Variants in DHPS observed in about 807,000 individuals in gnomAD.
DHPS encodes migration-inducing gene 13.
DHPS carries 24 observed loss-of-function variants against 38.7 expected under a neutral mutation model. The ratio of observed to expected loss-of-function variants is 0.62; its 90% confidence interval spans 0.45 to 0.87. The LOEUF is 0.87. DHPS is among the 40% of genes least tolerant of loss of function. The pLI is 0.00. For synonymous variants in DHPS, 250 were observed against 204.4 expected, an observed-to-expected ratio of 1.22 and a Z score of -1.90; for missense variants, 510 against 497.6, an observed-to-expected ratio of 1.02 and a Z score of -0.24.
downstream of DHPS, chr19:12,673,407 GATCT>G: frequency 2.6e-5 from 11 of 415,188 alleles, no homozygotes; most frequent in Admixed American, 3.7e-5. Context: ...TGAAGGCTAG[GATCT>G]TTTTTTTTTT....
intron 7 of DHPS, 50 bp downstream of exon 7, chr19:12,677,058 C>T: frequency 1.3e-6 from 2 of 1,554,462 alleles, no homozygotes; most frequent in South Asian, 1.1e-5. Flanking sequence ...TGGCATAGGC[C>T]CACCACACAG....
In DHPS at chr19:12,681,642, T is replaced by C. The variant is rs1436519011; in HGVS notation, c.125A>G (p.Tyr42Cys). The change falls in exon 1 of 9, where the codon TAC becomes TGC. Residue 42 changes from tyrosine (Y) to cysteine (C), a missense_variant. Transcript: ENST00000210060. The stretch of plus-strand genomic sequence containing the variant: ...GCCGAAGGCCTCCAGCAGTGCGCGG[T>C]AATTCACACCGCGGTTGAAGTCGTA... Reference protein sequence around the residue: ...RGYDFNRGVNYRALLEAFGTT... With the variant: ...RGYDFNRGVNCRALLEAFGTT... The C allele has an allele frequency of 6.2e-7, 1 of 1,614,204 alleles. No homozygotes were observed. Among genetic ancestry groups the C allele is most frequent in the South Asian group, 1.1e-5 (1 of 91,088 alleles).
At chr19:12,673,408 ATCTTTT>A, downstream of DHPS, 8 of 266,032 alleles carry the variant, frequency 3.0e-5, no homozygotes, top group East Asian at 1.2e-4. Flanking sequence ...GAAGGCTAGG[ATCTTTT>A]TTTTTTTTTT....
rs764103875 is a variant in DHPS, at chr19:12,679,626, T to C, written c.588A>G (p.Thr196=). 2 of 1,614,166 alleles carry C rather than the reference T, an allele frequency of 1.2e-6. No individual in the cohort carries two copies. The highest frequency in any genetic ancestry group is 2.2e-5 in the South Asian group (2 of 91,092). The change falls in exon 4 of 9, where the codon ACA becomes ACG. Residue 196 remains threonine, a synonymous_variant. Coordinates refer to ENST00000210060, the MANE Select transcript of DHPS (RefSeq NM_001930.4). ...ILDQMVMEQN[T]EGVKWTPSKM... is the part of the protein sequence containing the mutation. ...CTCCAGGTTGCCCCAGCCCCACCTC[T>C]GTGTTCTGCTCCATCACCATCTGGT...
chr19:12,679,665 C>T lies in DHPS; in HGVS notation c.549G>A (p.Leu183=), dbSNP rs2024732793. 2 of 1,614,218 alleles carry T rather than the reference C, an allele frequency of 1.2e-6. No homozygotes were observed. The highest frequency in any genetic ancestry group is 2.2e-5 in the East Asian group (1 of 44,884). The change falls in exon 4 of 9, where the codon CTG becomes CTA. Residue 183 remains leucine (L), a synonymous_variant. Coordinates refer to ENST00000210060, the MANE Select transcript of DHPS (RefSeq NM_001930.4). ...NENYCKFEDW[L]MPILDQMVME... ...TCACCATCTGGTCCAGAATGGGCATCAGCCAGTCCTCAAACTTGCAGTAAT... is the reference window on the plus strand; with the variant it reads ...TCACCATCTGGTCCAGAATGGGCATTAGCCAGTCCTCAAACTTGCAGTAAT...
chr19:12,676,188 G>GAGAC (rs3841583), intron 7 of DHPS, 46 bp from the exon 8 acceptor site: 623,844 of 1,555,790 alleles, frequency 0.4, 131,936 homozygotes, highest in African/African-American at 0.64. Flanking sequence ...CCAGTCACAG[G>GAGAC]AGACAGACAC....
rs1243382050 is a variant in DHPS at position 12,677,405 on chromosome 19, A to G, written c.679-9T>C. The G allele has an allele frequency of 1.2e-6, 2 of 1,611,990 alleles. No homozygotes were observed. The highest frequency in any genetic ancestry group is 1.1e-5 in the South Asian group (1 of 90,800). Reference sequence around the variant, plus strand: ...AACACAGGGATGTGGTTCTGCAGAGAACATGACAGGACAGTGGCTGGAGCT... The same window carrying G: ...AACACAGGGATGTGGTTCTGCAGAGGACATGACAGGACAGTGGCTGGAGCT... On this transcript the variant is annotated splice_polypyrimidine_tract_variant and intron_variant, in intron 5 of 8. Transcript: ENST00000210060.
At chr19:12,680,085 C>T (rs2024749275) in intron 2 of DHPS, 76 bp downstream of exon 2, 1 of 1,587,062 alleles carries the variant, frequency 6.3e-7, no homozygotes, top group African/African-American at 1.3e-5. Context: ...CCTATCTGCC[C>T]ATCTCACTTA....
chr19:12,680,142 G>A lies in DHPS; in HGVS notation c.372+19C>T, dbSNP rs757426676. 6.8e-6 allele frequency: 11 copies of A among 1,612,994 alleles called. No homozygotes were observed. Among genetic ancestry groups the A allele is most frequent in the East Asian group, 2.2e-5 (1 of 44,868 alleles). On this transcript the variant is annotated intron_variant, in intron 2 of 8. Transcript: ENST00000210060. ...CCATTGACCCAGAGGCCAAGGCCAC[G>A]GCCTCACCAGGTCCCCACCATGTTG... is the stretch of plus-strand genomic sequence containing the variant.
At chr19:12,677,032 C>T in intron 7 of DHPS, 76 bp downstream of exon 7, 3 of 1,383,772 alleles carry the variant, frequency 2.2e-6, no homozygotes, top group South Asian at 2.4e-5. Context: ...CTAGTTCATG[C>T]TGTCTACCCA....
chr19:12,680,477 A>G, intron 1 of DHPS, 152 bp from the exon 2 acceptor site: 1 of 736,354 alleles, frequency 1.4e-6, no homozygotes, highest in South Asian at 1.7e-5. Context: ...TCTCCTGTGT[A>G]AACTCTGCCC....
rs775500314 is a variant in DHPS at position 12,681,571 on chromosome 19, C to T, written c.196G>A (p.Val66Ile). 3.3e-5 allele frequency: 53 copies of T among 1,614,164 alleles called. No homozygotes were observed. The highest frequency in any genetic ancestry group is 4.3e-5 in the Non-Finnish European group (51 of 1,180,062). The change falls in exon 1 of 9, where the codon GTC becomes ATC. Residue 66 changes from valine to isoleucine, a missense_variant. Val to Ile is a conservative substitution (Grantham distance 29). Coordinates refer to ENST00000210060, the MANE Select transcript of DHPS (RefSeq NM_001930.4). ...CGCCCGGTCCTCACCATGGCATTGA[C>T]TTGCTGTACAGCGCGCCCGAAGTTG... ...ATNFGRAVQQVNAMIEKKLEP... is the reference protein window; with the variant it reads ...ATNFGRAVQQINAMIEKKLEP...
Position 12,681,880 on chromosome 19 carries a change from C to G in DHPS, c.-114G>C. ...CCGCAAGAGCACAGGAAGTAGGGAA[C>G]GTGCTTTGGGCGAAAGACCGGAAGT... On this transcript the variant is annotated 5_prime_UTR_variant, in exon 1 of 9. Coordinates refer to ENST00000210060, the MANE Select transcript of DHPS (RefSeq NM_001930.4). 1.1e-6 allele frequency: 1 copy of G among 949,566 alleles called. No homozygotes were observed. Among genetic ancestry groups the G allele is most frequent in the Non-Finnish European group, 1.6e-6 (1 of 637,906 alleles). The allele number at this position is 949,566 out of a possible 1,614,324, so 58.8% of individuals were successfully genotyped here.
In DHPS at chr19:12,679,846, T is replaced by G; in HGVS notation, c.449A>C (p.Glu150Ala). 6.2e-7 allele frequency: 1 copy of G among 1,614,122 alleles called. No individual in the cohort carries two copies. The highest frequency in any genetic ancestry group is 8.5e-7 in the Non-Finnish European group (1 of 1,180,012). ...GAGCTCCTTCCCCCTGAGGCTAAAC[T>G]CGCCCAAGTATGTGGGCGCCAGGCA... is the stretch of plus-strand genomic sequence containing the variant. ...IKCLAPTYLG[E>A]FSLRGKELRE... Residue 150 changes from glutamate to alanine, a missense_variant, in exon 3 of 9, where the codon GAG becomes GCG. By Grantham distance (107) the Glu-to-Ala change is moderately radical. Transcript: ENST00000210060.
Position 12,681,547 on chromosome 19 carries a change from G to C in DHPS, c.207+13C>G. 6.2e-7 allele frequency: 1 copy of C among 1,614,030 alleles called. No individual in the cohort carries two copies. The highest frequency in any genetic ancestry group is 8.5e-7 in the Non-Finnish European group (1 of 1,179,940). ...GCCCCTCCGCGTCCCTAGAAATTCCGCCCGGTCCTCACCATGGCATTGACT... is the reference window on the plus strand; with the variant it reads ...GCCCCTCCGCGTCCCTAGAAATTCCCCCCGGTCCTCACCATGGCATTGACT... On this transcript the variant is annotated intron_variant, in intron 1 of 8. Transcript: ENST00000210060.
chr19:12,679,502 G>C lies in DHPS; in HGVS notation c.633C>G (p.Gly211=). The change falls in exon 5 of 9, where the codon GGC becomes GGG. Residue 211 remains glycine (G), a synonymous_variant. Coordinates refer to ENST00000210060, the MANE Select transcript of DHPS (RefSeq NM_001930.4). Reference sequence around the variant, plus strand: ...CGGACTCTGGGTTGTTGATCTCCTTGCCCAGCCGGGCGATCATCTTAGAAG... The same window carrying C: ...CGGACTCTGGGTTGTTGATCTCCTTCCCCAGCCGGGCGATCATCTTAGAAG... ...WTPSKMIARL[G]KEINNPESVY... is the part of the protein sequence containing the mutation. The C allele has an allele frequency of 6.2e-7, 1 of 1,614,118 alleles. No individual in the cohort carries two copies. Among genetic ancestry groups the C allele is most frequent in the Non-Finnish European group, 8.5e-7 (1 of 1,180,006 alleles).
At chr19:12,675,524 G>T, downstream of DHPS, 2 of 1,604,078 alleles carry the variant, frequency 1.2e-6, no homozygotes, top group Non-Finnish European at 8.5e-7. Context: ...GCTCCACAGG[G>T]TGCGCTGGCT....
At chr19:12,680,878 G>A (rs181889920) in intron 1 of DHPS, among the ~76,000 whole-genome samples, 245 of 117,306 alleles carry the variant, frequency 2.1e-3, no homozygotes, top group Non-Finnish European at 3.1e-3. Context: ...TCTGTCACCA[G>A]GCTGGAGTGC....
chr19:12,681,819 G>T lies in DHPS; in HGVS notation c.-53C>A. 2 of 1,543,412 alleles carry T rather than the reference G, an allele frequency of 1.3e-6. No homozygotes were observed. The highest frequency in any genetic ancestry group is 1.8e-5 in the Admixed American group (1 of 56,828). On this transcript the variant is annotated 5_prime_UTR_variant, in exon 1 of 9. Coordinates refer to ENST00000210060, the MANE Select transcript of DHPS (RefSeq NM_001930.4). ...GCTGCCCCTAGGCCGGGCTTACGGC[G>T]GCCCAGAAACGCGTTAAACCCCGAC...
Sources: allele counts gnomAD v4.1 joint callset (sites outside exome capture counted in the v4.1 genomes callset), GRCh38; gene constraint gnomAD v4.1.1; transcripts MANE v1.5; gene names NCBI Gene and HGNC (gene_info 2026-07-23, HGNC 2026-07-21).